The following NBN variants were observed in gnomAD, a reference collection of about 807,000 sequenced individuals.
NBN encodes the protein Nijmegen breakage syndrome 1 (nibrin).
NBN carries 88 observed loss-of-function variants against 90.8 expected under a neutral mutation model. The ratio of observed to expected loss-of-function variants is 0.97; its 90% CI spans 0.82 to 1.16. The LOEUF is 1.16. NBN is among the 50% of genes most tolerant of loss of function. The pLI is 0.00. For missense variants in NBN, 894 were observed against 869.6 expected (o/e 1.03, Z -0.35); for synonymous variants, 328 against 295.1 (o/e 1.11, Z -1.14).
intron 11 of NBN, among the ~76,000 whole-genome samples, chr8:89,950,851 G>A (rs1192136787): frequency 6.6e-6 from 1 of 152,112 alleles, no homozygotes; most frequent in Non-Finnish European, 1.5e-5. Flanking sequence ...CCAGTGCCCT[G>A]AGTGACATAA....
In NBN at chr8:89,935,073, A is replaced by C; in HGVS notation, c.*509T>G. ...ATAATGGAAAAGAAAAAATATTAAA[A>C]ACATTATATTGATATTCCTATAATT... On this transcript the variant is annotated 3_prime_UTR_variant, in exon 16 of 16. Coordinates refer to ENST00000265433, the MANE Select transcript of NBN (RefSeq NM_002485.5). 1 of 233,756 alleles carries C rather than the reference A, an allele frequency of 4.3e-6. No individual in the cohort carries two copies. The highest frequency in any genetic ancestry group is 8.4e-6 in the Non-Finnish European group (1 of 118,674). The allele number at this position is 233,756 out of a possible 1,614,324, so 14.5% of individuals were successfully genotyped here.
At chr8:89,950,397 T>C (rs774499374) in intron 11 of NBN, among the ~76,000 whole-genome samples, 3 of 152,224 alleles carry the variant, frequency 2.0e-5, no homozygotes, top group Non-Finnish European at 2.9e-5. Context: ...AGTTGTTATA[T>C]TGCATTGTTT....
In NBN at chr8:89,980,775, A is replaced by G; in HGVS notation, c.439T>C (p.Cys147Arg). 6.2e-7 allele frequency: 1 copy of G among 1,613,588 alleles called. No individual in the cohort carries two copies. Among genetic ancestry groups the G allele is most frequent in the East Asian group, 2.2e-5 (1 of 44,800 alleles). The change falls in exon 4 of 16, where the codon TGC (cysteine) becomes CGC (arginine). Residue 147 changes from cysteine (C) to arginine (R), a missense_variant. By Grantham distance (180) the Cys-to-Arg change is radical. Transcript: ENST00000265433. ...ACTGATACCATGACAAGGTGAGTGC[A>G]TTCTTCTGTCCAATTGTTTACAGTA... ...GFTVNNWTEE[C>R]THLVMVSVKV...
chr8:89,983,024 A>G lies in NBN; in HGVS notation c.38-169T>C, dbSNP rs140399500. 40 of 263,252 alleles carry G rather than the reference A, an allele frequency of 1.5e-4. No individual in the cohort carries two copies. In the East Asian group the frequency reaches 6.6e-3, roughly 43 times the overall value. 16.3% of individuals were successfully genotyped at this position (263,252 alleles called of 1,614,324 possible). On this transcript the variant is annotated intron_variant, in intron 1 of 15. Transcript: ENST00000265433. ...TTACATATGTCAAACTTGTGTTTTC[A>G]GTAAAGCCTCACTGAAGGCTATCAA...
chr8:89,982,952 G>A (rs1812147602), intron 1 of NBN, 97 bp from the exon 2 acceptor site: 11 of 1,258,952 alleles, frequency 8.7e-6, no homozygotes, highest in Non-Finnish European at 1.2e-5. Flanking sequence ...ATATAGGTAT[G>A]ACAAATATTA....
At chr8:89,936,600 A>T (rs2130738164) in intron 15 of NBN, among the ~76,000 whole-genome samples, 1 of 152,326 alleles carries the variant, frequency 6.6e-6, no homozygotes, top group South Asian at 2.1e-4. Context: ...GTACAACTCT[A>T]AAACCTCCCA....
At chr8:89,942,250 G>A (rs894038791) in intron 14 of NBN, among the ~76,000 whole-genome samples, 1 of 152,108 alleles carries the variant, frequency 6.6e-6, no homozygotes, top group East Asian at 1.9e-4. Context: ...CTAATGATAA[G>A]CCAGCCTTCA....
In NBN at chr8:89,968,334, G is replaced by A. The variant is rs367752390; in HGVS notation, c.896+2030C>T. Reference sequence around the variant, plus strand: ...TCATGATCAAGGCACCAGGGTCTGAGCTACCTGGTACTCCAGCTACTTTTT... The same window carrying A: ...TCATGATCAAGGCACCAGGGTCTGAACTACCTGGTACTCCAGCTACTTTTT... On this transcript the variant is annotated intron_variant, in intron 7 of 15. Transcript: ENST00000265433. Among the ~76,000 whole-genome samples, 15 of 152,192 alleles carry A rather than the reference G, an allele frequency of 9.9e-5. No individual in the cohort carries two copies. The East Asian group carries it at 2.7e-3, about 27-fold the overall frequency.
intron 12 of NBN, among the ~76,000 whole-genome samples, chr8:89,947,449 G>A (rs1191220060): frequency 6.6e-6 from 1 of 152,058 alleles, no homozygotes; most frequent in Non-Finnish European, 1.5e-5. Flanking sequence ...GACCAACATA[G>A]AGAAACCCCG....
At chr8:89,975,338 G>A (rs1285703091) in intron 5 of NBN, among the ~76,000 whole-genome samples, 6 of 152,146 alleles carry the variant, frequency 3.9e-5, no homozygotes, top group Admixed American at 3.9e-4. Flanking sequence ...AGGTACTTAT[G>A]TAATCAAAGG....
chr8:89,980,108 A>G (rs772396788), intron 4 of NBN, among the ~76,000 whole-genome samples: 9 of 152,214 alleles, frequency 5.9e-5, no homozygotes, highest in Admixed American at 3.3e-4. Flanking sequence ...AAATAAAAAA[A>G]CCCTTGATTA....
intron 3 of NBN, among the ~76,000 whole-genome samples, chr8:89,981,149 G>A (rs1259795468): frequency 6.6e-6 from 1 of 152,062 alleles, no homozygotes; most frequent in Non-Finnish European, 1.5e-5. Flanking sequence ...TCACCAATGA[G>A]GAATCGAAGA....
rs1063053 is a variant in NBN, at chr8:89,935,309, C to T, written c.*273G>A. 119,699 of 381,352 alleles carry T rather than the reference C, an allele frequency of 0.31. 19,295 individuals carry two copies. The highest frequency in any genetic ancestry group is 0.41 in the East Asian group (9,384 of 23,038). 23.6% of individuals were successfully genotyped at this position (381,352 alleles called of 1,614,324 possible). Reference sequence around the variant, plus strand: ...GTGACTTTAGTCTTTACCTTACGTACATTTAGAATTTTGAACTGTGACTAT... The same window carrying T: ...GTGACTTTAGTCTTTACCTTACGTATATTTAGAATTTTGAACTGTGACTAT... On this transcript the variant is annotated 3_prime_UTR_variant, in exon 16 of 16. Transcript: ENST00000265433.
At chr8:89,957,205 C>T (rs930732094) in intron 9 of NBN, among the ~76,000 whole-genome samples, 1 of 152,162 alleles carries the variant, frequency 6.6e-6, no homozygotes, top group African/African-American at 2.4e-5. Flanking sequence ...TGTGTTAGTG[C>T]CCCAGAAGAC....
Position 89,970,665 on chromosome 8 carries a change from A to G in NBN, c.703-108T>C, listed in dbSNP as rs77265692. On this transcript the variant is annotated intron_variant, in intron 6 of 15. Coordinates refer to ENST00000265433, the MANE Select transcript of NBN (RefSeq NM_002485.5). The stretch of plus-strand genomic sequence containing the variant: ...GTACAATTCAAGAAGACTTGGTGCT[A>G]CTTCTTGAGTAGGTCATTTCAGCTT... The G allele has an allele frequency of 9.4e-3, 10,260 of 1,092,464 alleles. 64 individuals are homozygous for G. The highest frequency in any genetic ancestry group is 0.012 in the Non-Finnish European group (9,136 of 738,068). The allele number at this position is 1,092,464 out of a possible 1,614,324, so 67.7% of individuals were successfully genotyped here.
chr8:89,941,914 A>T lies in NBN; in HGVS notation c.2184+1339T>A, dbSNP rs1052936263. 5.3e-5 allele frequency among the ~76,000 whole-genome samples: 8 copies of T among 152,216 alleles called. 1 individual carries two copies. The highest frequency in any genetic ancestry group is 5.2e-4 in the Admixed American group (8 of 15,292). ...TAACCCTTATTTTAAAATAACTGAG[A>T]AAAAAGCACTTTTAAAAGTGAATTA... On this transcript the variant is annotated intron_variant, in intron 14 of 15. Transcript: ENST00000265433.
At chr8:89,977,054 A>AT (rs201902015) in intron 5 of NBN, among the ~76,000 whole-genome samples, 4 of 151,072 alleles carry the variant, frequency 2.6e-5, no homozygotes, top group East Asian at 1.9e-4. Context: ...AACATTTAAA[A>AT]TTTTTTTTTT....
chr8:89,980,208 G>A (rs1297604895), intron 4 of NBN, among the ~76,000 whole-genome samples: 1 of 152,126 alleles, frequency 6.6e-6, no homozygotes, highest in African/African-American at 2.4e-5. Flanking sequence ...CATAATTCTA[G>A]TTTAATTATA....
chr8:89,981,274 A>C (rs1812050664), intron 3 of NBN, 101 bp downstream of exon 3: 4 of 1,330,838 alleles, frequency 3.0e-6, no homozygotes, highest in Non-Finnish European at 4.3e-6. Context: ...GCAGGAACTA[A>C]ATTATACTGT....
Sources: allele counts gnomAD v4.1 joint callset (sites outside exome capture counted in the v4.1 genomes callset), GRCh38; gene constraint gnomAD v4.1.1; transcripts MANE v1.5; gene names NCBI Gene and HGNC (gene_info 2026-07-23, HGNC 2026-07-21).